The following TNS3 variants were observed in gnomAD, a reference collection of about 807,000 sequenced individuals.
The protein encoded by TNS3 is tensin-3.
A neutral mutation model predicts 140.9 loss-of-function variants in TNS3; 45 were observed. That is an observed-to-expected ratio of 0.32 (90% CI 0.25 to 0.41). The LOEUF (loss-of-function observed/expected upper bound fraction) is 0.41, where lower values mean the gene tolerates loss of function less well. Among genes scored for constraint, TNS3 ranks in the 10% least tolerant of loss-of-function variants. The probability of loss-of-function intolerance (pLI) is 1.00; values close to 1 mark genes in which losing one functional copy is unlikely to be tolerated. For synonymous variants in TNS3, 815 were observed against 788.4 expected, an observed-to-expected ratio of 1.03 and a Z score of -0.56; for missense variants, 1,716 against 1,906.7, an observed-to-expected ratio of 0.90 and a Z score of 1.86.
intron 15 of TNS3, among the ~76,000 whole-genome samples, chr7:47,399,974 C>CAA (rs200484427): frequency 1.9e-4 from 26 of 135,808 alleles, no homozygotes; most frequent in African/African-American, 4.6e-4. Context: ...AACAAATCCT[C>CAA]AAAAAAAAAA....
rs145886228 is a variant in TNS3, at chr7:47,412,055, C to T, written c.648-253G>A. ...TGACTAAGGTCCAACTCCAGAGGCC[C>T]GAGCTTGGAGACGACCATGCAGGCT... On this transcript the variant is annotated intron_variant, in intron 12 of 30. Transcript: ENST00000311160. 3.1e-4 allele frequency among the ~76,000 whole-genome samples: 47 copies of T among 152,224 alleles called. No homozygotes were observed. The East Asian group carries it at 7.9e-3, about 26-fold the overall frequency.
chr7:47,529,236 G>A, intron 1 of TNS3, 89 bp from the exon 2 acceptor site: 3 of 731,828 alleles, frequency 4.1e-6, no homozygotes, highest in Non-Finnish European at 5.7e-6. Flanking sequence ...TAAATCTAGT[G>A]GAATTGTAAA....
chr7:47,504,223 T>C (rs1024683193), intron 3 of TNS3, among the ~76,000 whole-genome samples: 1 of 152,140 alleles, frequency 6.6e-6, no homozygotes, highest in African/African-American at 2.4e-5. Context: ...TCTCAAAATG[T>C]CCCAACGATG....
chr7:47,355,455 G>A (rs897570392), intron 17 of TNS3, among the ~76,000 whole-genome samples: 7 of 152,104 alleles, frequency 4.6e-5, no homozygotes, highest in African/African-American at 1.4e-4. Context: ...GGGATGCATC[G>A]CCGTCAGAGC....
chr7:47,457,853 G>A (rs1189338933), intron 4 of TNS3, among the ~76,000 whole-genome samples: 4 of 152,120 alleles, frequency 2.6e-5, no homozygotes, highest in East Asian at 1.9e-4. Context: ...GAGCCCTGTC[G>A]CCTCAGTGTC....
intron 4 of TNS3, among the ~76,000 whole-genome samples, chr7:47,475,100 AAC>A (rs909096538): frequency 1.3e-5 from 2 of 151,816 alleles, no homozygotes; most frequent in Non-Finnish European, 2.9e-5. Context: ...TGCATCACAC[AAC>A]ACACAAACAC....
At position 47,419,257 on chromosome 7, in the gene TNS3, G is replaced by A. The variant is rs145725811; in HGVS notation, c.474-4051C>T. ...TTGCCCACAGAGTTGGAGGCTCAGA[G>A]GGGATGTCCAGGCCCAGGCAAAGTG... is the stretch of plus-strand genomic sequence containing the variant. On this transcript the variant is annotated intron_variant, in intron 10 of 30. Coordinates refer to ENST00000311160, the MANE Select transcript of TNS3 (RefSeq NM_022748.12). 7.4e-4 allele frequency among the ~76,000 whole-genome samples: 113 copies of A among 152,336 alleles called. 1 individual carries two copies. Among genetic ancestry groups the A allele is most frequent in the African/African-American group, 2.7e-3 (112 of 41,572 alleles).
intron 2 of TNS3, among the ~76,000 whole-genome samples, chr7:47,518,512 G>A (rs139871465): frequency 2.4e-4 from 37 of 152,030 alleles, no homozygotes; most frequent in Admixed American, 3.3e-4. Flanking sequence ...TTCTTTCCAC[G>A]TAATGATTTT....
chr7:47,410,550 C>T (rs1793710603), intron 13 of TNS3, among the ~76,000 whole-genome samples: 1 of 152,192 alleles, frequency 6.6e-6, no homozygotes, highest in African/African-American at 2.4e-5. Flanking sequence ...ACTGTCTCCA[C>T]CTTCAATCCT....
chr7:47,502,781 G>GA (rs1050870752), intron 3 of TNS3, among the ~76,000 whole-genome samples: 12 of 152,242 alleles, frequency 7.9e-5, no homozygotes, highest in Admixed American at 7.8e-4. Context: ...CAGGAGCCAA[G>GA]AGGCTGGACA....
chr7:47,546,350 G>A (rs910054007), intron 1 of TNS3, among the ~76,000 whole-genome samples: 1 of 152,144 alleles, frequency 6.6e-6, no homozygotes, highest in African/African-American at 2.4e-5. Context: ...CAGCACTGCT[G>A]TTCCGGAGCT....
chr7:47,326,516 G>A (rs1788031981), intron 20 of TNS3, among the ~76,000 whole-genome samples: 1 of 152,012 alleles, frequency 6.6e-6, no homozygotes, highest in South Asian at 2.1e-4. Context: ...GAGCAACTTA[G>A]AGCCCTGTCA....
At chr7:47,339,940 G>A in intron 20 of TNS3, among the ~76,000 whole-genome samples, 1 of 128,154 alleles carries the variant, frequency 7.8e-6, no homozygotes, top group Non-Finnish European at 1.6e-5. Context: ...TAATTTTTTT[G>A]AGCTATTATA....
At chr7:47,504,306 C>T (rs539824930) in intron 3 of TNS3, among the ~76,000 whole-genome samples, 3 of 152,354 alleles carry the variant, frequency 2.0e-5, no homozygotes, top group African/African-American at 7.2e-5. Flanking sequence ...GGTTTCTCCA[C>T]ATTGTCAGTG....
intron 2 of TNS3, among the ~76,000 whole-genome samples, chr7:47,516,008 A>G (rs1362529089): frequency 1.3e-5 from 2 of 152,228 alleles, no homozygotes; most frequent in Non-Finnish European, 2.9e-5. Flanking sequence ...AAGCCAAAGA[A>G]AGAACACCTC....
At chr7:47,557,597 C>T (rs750325681) in intron 1 of TNS3, among the ~76,000 whole-genome samples, 1 of 152,148 alleles carries the variant, frequency 6.6e-6, no homozygotes, top group Non-Finnish European at 1.5e-5. Flanking sequence ...GGGAATATGA[C>T]GTGGCAACTG....
intron 16 of TNS3, among the ~76,000 whole-genome samples, chr7:47,394,705 T>C (rs1333972770): frequency 6.6e-6 from 1 of 152,246 alleles, no homozygotes; most frequent in East Asian, 1.9e-4. Context: ...AGATTCTCCG[T>C]AAAGTTTCAT....
chr7:47,368,559 T>C lies in TNS3; in HGVS notation c.2087A>G (p.Asp696Gly). 1 of 1,572,346 alleles carries C rather than the reference T, an allele frequency of 6.4e-7. No individual in the cohort carries two copies. Among genetic ancestry groups the C allele is most frequent in the Non-Finnish European group, 8.7e-7 (1 of 1,154,978 alleles). The change falls in exon 17 of 31, where the codon GAC becomes GGC. Residue 696 changes from aspartate (D) to glycine (G), a missense_variant. Physicochemically the swap from Asp to Gly is moderately conservative, Grantham distance 94. Transcript: ENST00000311160. ...PSPGSPTLDI[D>G]QSIEQLNRLI... is the part of the protein sequence containing the mutation. ...CCTGTTGAGCTGCTCGATGGACTGG[T>C]CGATGTCCAGGGTGGGCGAGCCTGG...
intron 6 of TNS3, among the ~76,000 whole-genome samples, chr7:47,439,153 C>T (rs940467394): frequency 1.3e-5 from 2 of 152,150 alleles, no homozygotes; most frequent in African/African-American, 4.8e-5. Context: ...TCTCTTGATA[C>T]GAGGGATGCA....
Sources: gnomAD v4.1 joint callset for allele counts (sites outside exome capture counted in the v4.1 genomes callset) on GRCh38, gnomAD v4.1.1 for gene constraint, MANE v1.5 for transcripts, NCBI Gene and HGNC (gene_info 2026-07-23, HGNC 2026-07-21) for gene names.